Variants in KCNK13 observed in about 807,000 individuals in gnomAD.
The protein encoded by KCNK13 is potassium channel subfamily K member 13.
Under a neutral mutation model 23.4 loss-of-function variants are expected in KCNK13, and 12 were observed. That is an observed-to-expected ratio of 0.51 (90% CI 0.33 to 0.83). KCNK13 has a LOEUF of 0.83. Among genes scored for constraint, KCNK13 ranks in the 40% least tolerant of loss-of-function variants. KCNK13 has a pLI of 0.02. For synonymous variants in KCNK13, 231 were observed against 229.5 expected, an observed-to-expected ratio of 1.01 and a Z score of -0.06; for missense variants, 463 against 556.3, an observed-to-expected ratio of 0.83 and a Z score of 1.69.
At chr14:90,090,523 A>G (rs1005552949) in intron 1 of KCNK13, among the ~76,000 whole-genome samples, 2 of 152,170 alleles carry the variant, frequency 1.3e-5, no homozygotes, top group African/African-American at 4.8e-5. Context: ...TGGACTGTAG[A>G]CTTTTGAGTT....
chr14:90,139,820 G>A (rs768241431), intron 1 of KCNK13, among the ~76,000 whole-genome samples: 1 of 152,036 alleles, frequency 6.6e-6, no homozygotes, highest in Non-Finnish European at 1.5e-5. Flanking sequence ...AAATTAGCCG[G>A]GCGTCATGGC....
intron 1 of KCNK13, among the ~76,000 whole-genome samples, chr14:90,167,540 T>C (rs891712792): frequency 1.6e-4 from 24 of 152,150 alleles, no homozygotes; most frequent in Admixed American, 4.6e-4. Context: ...GACATGCTGA[T>C]TTGTAGGTAA....
At chr14:90,145,116 C>T (rs1890058293) in intron 1 of KCNK13, among the ~76,000 whole-genome samples, 1 of 151,926 alleles carries the variant, frequency 6.6e-6, no homozygotes, top group Non-Finnish European at 1.5e-5. Context: ...AAATATTAAA[C>T]AAATAGAAAG....
At chr14:90,070,465 C>T (rs1334024263) in intron 1 of KCNK13, among the ~76,000 whole-genome samples, 1 of 152,160 alleles carries the variant, frequency 6.6e-6, no homozygotes, top group Non-Finnish European at 1.5e-5. Flanking sequence ...TGTCTGTGTG[C>T]TTTATAGTTT....
intron 1 of KCNK13, among the ~76,000 whole-genome samples, chr14:90,167,568 T>C (rs1412988405): frequency 6.6e-6 from 1 of 152,178 alleles, no homozygotes; most frequent in African/African-American, 2.4e-5. Flanking sequence ...GAATCTGCAT[T>C]TAAACAAGTT....
chr14:90,111,058 C>T (rs1364409326), intron 1 of KCNK13, among the ~76,000 whole-genome samples: 2 of 152,080 alleles, frequency 1.3e-5, no homozygotes, highest in Non-Finnish European at 2.9e-5. Context: ...CTCTGAACCC[C>T]CTGATCAGGA....
chr14:90,139,128 C>T (rs1424960339), intron 1 of KCNK13, among the ~76,000 whole-genome samples: 1 of 152,140 alleles, frequency 6.6e-6, no homozygotes, highest in Non-Finnish European at 1.5e-5. Context: ...TGGTGAGGTC[C>T]GTCCTCTCAC....
chr14:90,089,623 G>A lies in KCNK13; in HGVS notation c.334+27084G>A, dbSNP rs1376607735. On this transcript the variant is annotated intron_variant, in intron 1 of 1. Coordinates refer to ENST00000282146, the MANE Select transcript of KCNK13 (RefSeq NM_022054.4). Reference sequence around the variant, plus strand: ...TAACGAGGAGCCAAATGTTAATCCCGAAGACAATGGGGAAAATATCTCCAG... The same window carrying A: ...TAACGAGGAGCCAAATGTTAATCCCAAAGACAATGGGGAAAATATCTCCAG... Among the ~76,000 whole-genome samples the A allele has an allele frequency of 5.3e-5, 8 of 152,326 alleles. 1 individual carries two copies. Among genetic ancestry groups the A allele is most frequent in the African/African-American group, 4.8e-5 (2 of 41,570 alleles).
At chr14:90,130,521 T>C (rs1889856036) in intron 1 of KCNK13, among the ~76,000 whole-genome samples, 1 of 150,976 alleles carries the variant, frequency 6.6e-6, no homozygotes, top group Admixed American at 6.6e-5. Context: ...TTTAAATAAA[T>C]AGGAGTGTTG....
chr14:90,083,320 G>A (rs1247282191), intron 1 of KCNK13, among the ~76,000 whole-genome samples: 4 of 152,090 alleles, frequency 2.6e-5, no homozygotes, highest in Admixed American at 6.5e-5. Flanking sequence ...TATGCTTTTA[G>A]TGTCATATTG....
intron 1 of KCNK13, among the ~76,000 whole-genome samples, chr14:90,169,858 G>A (rs1890344499): frequency 1.3e-5 from 2 of 152,106 alleles, no homozygotes; most frequent in South Asian, 2.1e-4. Context: ...TTCTTCTGCC[G>A]GGGGCAGAGA....
intron 1 of KCNK13, among the ~76,000 whole-genome samples, chr14:90,097,718 T>A (rs886642290): frequency 6.6e-6 from 1 of 152,178 alleles, no homozygotes; most frequent in African/African-American, 2.4e-5. Context: ...GCTCACCAGC[T>A]GCCATTTGTG....
chr14:90,091,937 T>TC (rs1889350297), intron 1 of KCNK13, among the ~76,000 whole-genome samples: 1 of 151,434 alleles, frequency 6.6e-6, no homozygotes, highest in African/African-American at 2.4e-5. Flanking sequence ...CCTTTTTTTT[T>TC]TTTTTTTGAG....
At chr14:90,132,711 C>A (rs1792519858) in intron 1 of KCNK13, among the ~76,000 whole-genome samples, 1 of 152,070 alleles carries the variant, frequency 6.6e-6, no homozygotes, top group Non-Finnish European at 1.5e-5. Context: ...GTACTTAATG[C>A]CACTGAACTG....
intron 1 of KCNK13, among the ~76,000 whole-genome samples, chr14:90,064,788 G>A (rs1888989020): frequency 6.6e-6 from 1 of 152,166 alleles, no homozygotes; most frequent in African/African-American, 2.4e-5. Flanking sequence ...TTTCTCATTT[G>A]TAACATTTCC....
Position 90,098,601 on chromosome 14 carries a change from C to T in KCNK13, c.334+36062C>T, listed in dbSNP as rs574815507. Among the ~76,000 whole-genome samples, 5 of 149,978 alleles carry T rather than the reference C, an allele frequency of 3.3e-5. No individual in the cohort carries two copies. The Admixed American group carries it at 3.3e-4, about 10-fold the overall frequency. ...CCGGGAGGTGGAGGTTGCAGTGAGG[C>T]GAGATCATGCCACTGCACTCCATCC... is the stretch of plus-strand genomic sequence containing the variant. On this transcript the variant is annotated intron_variant, in intron 1 of 1. Coordinates refer to ENST00000282146, the MANE Select transcript of KCNK13 (RefSeq NM_022054.4).
At chr14:90,092,767 G>A (rs996706888) in intron 1 of KCNK13, among the ~76,000 whole-genome samples, 1 of 151,990 alleles carries the variant, frequency 6.6e-6, no homozygotes, top group Admixed American at 6.6e-5. Flanking sequence ...TAAAAAATTA[G>A]CTGGGCCTGA....
At chr14:90,102,472 T>C (rs973290413) in intron 1 of KCNK13, among the ~76,000 whole-genome samples, 3 of 152,170 alleles carry the variant, frequency 2.0e-5, no homozygotes, top group South Asian at 2.1e-4. Context: ...TCCCAGATGA[T>C]TGGACTCTAG....
rs141942678 is a variant in KCNK13 at position 90,163,929 on chromosome 14, T to A, written c.335-20182T>A. 9.5e-4 allele frequency among the ~76,000 whole-genome samples: 145 copies of A among 152,260 alleles called. 1 individual carries two copies. In the East Asian group the frequency reaches 0.025, roughly 27 times the overall value. On this transcript the variant is annotated intron_variant, in intron 1 of 1. Transcript: ENST00000282146. ...CTGGTCTCAAACTGCTGACCTCAAGTGATCCTCTTGCCTCAGCCTCCCAAA... is the reference window on the plus strand; with the variant it reads ...CTGGTCTCAAACTGCTGACCTCAAGAGATCCTCTTGCCTCAGCCTCCCAAA...
Sources: gnomAD v4.1 joint callset for allele counts (sites outside exome capture counted in the v4.1 genomes callset) on GRCh38, gnomAD v4.1.1 for gene constraint, MANE v1.5 for transcripts, NCBI Gene and HGNC (gene_info 2026-07-23, HGNC 2026-07-21) for gene names.